The following AATF variants were observed in gnomAD, a reference collection of about 807,000 sequenced individuals.
The protein encoded by AATF is protein AATF.
In AATF, 48 loss-of-function variants were observed where a neutral mutation model predicts 63.7. The observed-to-expected ratio is 0.75, with a 90% CI of 0.60 to 0.96. The LOEUF is 0.96. AATF is among the 40% of genes least tolerant of loss of function. The pLI is 0.00. For missense variants in AATF, 639 were observed against 685.7 expected (o/e 0.93, Z 0.76); for synonymous variants, 258 against 247.7 (o/e 1.04, Z -0.39).
chr17:36,986,460 G>T (rs2071169434), intron 4 of AATF, among the ~76,000 whole-genome samples, 157 bp from the exon 5 acceptor site: 1 of 152,136 alleles, frequency 6.6e-6, no homozygotes, highest in South Asian at 2.1e-4. Context: ...ATTTCCATTT[G>T]GGAATATTTC....
intron 11 of AATF, among the ~76,000 whole-genome samples, chr17:37,039,674 A>C (rs2071621359): frequency 1.3e-5 from 2 of 152,222 alleles, no homozygotes; most frequent in Admixed American, 1.3e-4. Flanking sequence ...AGATAGGGGC[A>C]TGGGGCCTTC....
At chr17:36,962,141 G>A (rs74513428) in intron 4 of AATF, among the ~76,000 whole-genome samples, 1 of 152,242 alleles carries the variant, frequency 6.6e-6, no homozygotes, top group African/African-American at 2.4e-5. Flanking sequence ...GGAAATGAAG[G>A]CAATCATTTC....
At chr17:37,024,583 A>G (rs2071497209) in intron 10 of AATF, among the ~76,000 whole-genome samples, 2 of 152,158 alleles carry the variant, frequency 1.3e-5, no homozygotes, top group Non-Finnish European at 2.9e-5. Context: ...CCACGTTAAG[A>G]ATTTTGGACT....
intron 11 of AATF, chr17:37,045,495 T>G (rs900151769): frequency 6.6e-6 from 1 of 152,114 alleles, no homozygotes; most frequent in African/African-American, 2.4e-5. Flanking sequence ...TCTCAGAGGG[T>G]AGTGGGGGTT....
In AATF at chr17:37,020,958, AC is replaced by A. The variant is rs755817794; in HGVS notation, c.1492del (p.Arg498GlufsTer8). The A allele has an allele frequency of 6.2e-7, 1 of 1,612,094 alleles. No homozygotes were observed. The highest frequency in any genetic ancestry group is 8.5e-7 in the Non-Finnish European group (1 of 1,179,078). ...GRQWLAIQKL[R>X]SKIHKKVDRK... ...GGCAGTGGCTTGCAATCCAGAAGTT[AC>A]GAAGCAAAATCCACAAAAAAGTAGA... On this transcript the variant is annotated frameshift_variant, in exon 10 of 12. Coordinates refer to ENST00000619387, the MANE Select transcript of AATF (RefSeq NM_012138.4). LOFTEE classifies it high-confidence loss of function.
chr17:37,056,536 G>T (rs2071799413), intron 11 of AATF, 65 bp from the exon 12 acceptor site: 2 of 1,541,500 alleles, frequency 1.3e-6, no homozygotes, highest in Non-Finnish European at 8.9e-7. Context: ...TCCAGCTTCT[G>T]CGTTCCTTTT....
rs1280314755 is a variant in AATF at position 37,056,608 on chromosome 17, C to T, written c.1627C>T (p.Leu543=). ...GCTGTGTTTGTCTTTTAGGACAGAA[C>T]TGTACCGCTCTCTTTTTGGCCAGCT... is the stretch of plus-strand genomic sequence containing the variant. ...TTMNDDARTE[L]YRSLFGQLHP... is the part of the protein sequence containing the mutation. Residue 543 remains leucine (L), a synonymous_variant, in exon 12 of 12, where the codon CTG becomes TTG. Transcript: ENST00000619387. The T allele has an allele frequency of 6.2e-7, 1 of 1,614,116 alleles. No individual in the cohort carries two copies. Among genetic ancestry groups the T allele is most frequent in the Non-Finnish European group, 8.5e-7 (1 of 1,180,044 alleles).
chr17:36,983,742 C>G (rs2071145748), intron 4 of AATF, among the ~76,000 whole-genome samples: 2 of 152,134 alleles, frequency 1.3e-5, no homozygotes, highest in South Asian at 2.1e-4. Flanking sequence ...TTATGTATTA[C>G]AAATTCTCCC....
intron 1 of AATF, 119 bp downstream of exon 1, chr17:36,949,335 A>G (rs911561028): frequency 5.1e-6 from 5 of 981,854 alleles, no homozygotes; most frequent in Non-Finnish European, 4.3e-6. Context: ...CGCTTGGCGC[A>G]GAGGAACGTC....
chr17:36,953,239 T>C lies in AATF; in HGVS notation c.637T>C (p.Ser213Pro). 1 of 1,614,172 alleles carries C rather than the reference T, an allele frequency of 6.2e-7. No homozygotes were observed. Among genetic ancestry groups the C allele is most frequent in the Non-Finnish European group, 8.5e-7 (1 of 1,180,024 alleles). Residue 213 changes from serine (S) to proline (P), a missense_variant, in exon 3 of 12, where the codon TCT becomes CCT. Physicochemically the swap from Ser to Pro is moderately conservative, Grantham distance 74. Coordinates refer to ENST00000619387, the MANE Select transcript of AATF (RefSeq NM_012138.4). ...GGATGATGGTGTGGTGATGACCTTC[T>C]CTAGTGTCAAAGTTTCTGAGGAAGT... ...SEDDGVVMTFSSVKVSEEVEK... is the reference protein window; with the variant it reads ...SEDDGVVMTFPSVKVSEEVEK...
intron 4 of AATF, among the ~76,000 whole-genome samples, chr17:36,978,254 C>G (rs1363615962): frequency 6.6e-6 from 1 of 152,162 alleles, no homozygotes; most frequent in East Asian, 1.9e-4. Context: ...TTCCCCACAT[C>G]ATTCTCTTAA....
In AATF at chr17:37,019,062, G is replaced by GC; in HGVS notation, c.1458dup (p.Met487HisfsTer21). On this transcript the variant is annotated frameshift_variant, in exon 9 of 12. Coordinates refer to ENST00000619387, the MANE Select transcript of AATF (RefSeq NM_012138.4). LOFTEE classifies it high-confidence loss of function. Reference sequence around the variant, plus strand: ...CTCCTTGGATCCCAACGATCAGGTGGCCATGGGAAGGTAATTTAGATACAG... The same window carrying GC: ...CTCCTTGGATCCCAACGATCAGGTGGCCCATGGGAAGGTAATTTAGATACAG... The GC allele has an allele frequency of 6.2e-7, 1 of 1,614,092 alleles. No homozygotes were observed. The highest frequency in any genetic ancestry group is 8.5e-7 in the Non-Finnish European group (1 of 1,179,950).
At position 37,046,730 on chromosome 17, in the gene AATF, AACACACACACAC is replaced by A. The variant is rs58296683; in HGVS notation, c.1620-9842_1620-9831del. Among the ~76,000 whole-genome samples, 115 of 140,054 alleles carry A rather than the reference AACACACACACAC, an allele frequency of 8.2e-4. 2 individuals carry two copies. Among genetic ancestry groups the A allele is most frequent in the South Asian group, 5.0e-3 (21 of 4,208 alleles). 91.9% of individuals were successfully genotyped at this position (140,054 alleles called of 152,430 possible). A position where few individuals can be genotyped will look rare whatever the true frequency, so the allele number is the denominator to read the frequency against. ...TGAGCGATGCATCCTGTGCTCCCCC[AACACACACACAC>A]ACACACACACACACACACACACACA... is the stretch of plus-strand genomic sequence containing the variant. On this transcript the variant is annotated intron_variant, in intron 11 of 11. Coordinates refer to ENST00000619387, the MANE Select transcript of AATF (RefSeq NM_012138.4).
chr17:36,959,007 G>A (rs2070924617), intron 4 of AATF, among the ~76,000 whole-genome samples: 3 of 152,028 alleles, frequency 2.0e-5, no homozygotes, highest in Admixed American at 2.0e-4. Context: ...TTAGCTGGGT[G>A]TGGTGGCGGG....
At chr17:37,017,078 G>A (rs2071434344) in intron 8 of AATF, among the ~76,000 whole-genome samples, 1 of 152,204 alleles carries the variant, frequency 6.6e-6, no homozygotes, top group African/African-American at 2.4e-5. Context: ...GCAGTGGGGA[G>A]CTCCAATTTC....
At chr17:37,012,981 A>G (rs1296438532) in intron 8 of AATF, among the ~76,000 whole-genome samples, 1 of 152,216 alleles carries the variant, frequency 6.6e-6, no homozygotes. Context: ...CACAAATGAC[A>G]AAAGAAAAAA....
At chr17:37,042,050 T>C (rs1008401924) in intron 11 of AATF, among the ~76,000 whole-genome samples, 1 of 152,188 alleles carries the variant, frequency 6.6e-6, no homozygotes, top group Non-Finnish European at 1.5e-5. Flanking sequence ...TTATGAATTT[T>C]CTTCCTGTAT....
chr17:37,017,732 T>C (rs2142285110), intron 8 of AATF, among the ~76,000 whole-genome samples: 1 of 152,330 alleles, frequency 6.6e-6, no homozygotes, highest in Admixed American at 6.5e-5. Context: ...GTTTTCTAAT[T>C]GCAATTGAGA....
intron 2 of AATF, 54 bp downstream of exon 2, chr17:36,950,459 A>C: frequency 6.5e-7 from 1 of 1,531,072 alleles, no homozygotes; most frequent in Non-Finnish European, 9.0e-7. Flanking sequence ...TTTCAGGGTT[A>C]AAATCCTCCG....
Sources: gnomAD v4.1 joint callset for allele counts (sites outside exome capture counted in the v4.1 genomes callset) on GRCh38, gnomAD v4.1.1 for gene constraint, MANE v1.5 for transcripts, NCBI Gene and HGNC (gene_info 2026-07-23, HGNC 2026-07-21) for gene names.